USH2A: variants seen among roughly 807,000 people sequenced by gnomAD.
The protein encoded by USH2A is Usher syndrome 2A (autosomal recessive, mild).
USH2A carries 443 observed loss-of-function variants against 538.9 expected under a neutral mutation model. The observed-to-expected ratio is 0.82, with a 90% confidence interval of 0.76 to 0.89. The LOEUF (loss-of-function observed/expected upper bound fraction) is 0.89, where lower values mean the gene tolerates loss of function less well. Ranked by LOEUF, USH2A falls within the 40% of genes least tolerant of loss-of-function variation. The pLI is 0.00. For synonymous variants in USH2A, 2,413 were observed against 2,273.5 expected (o/e 1.06, Z -1.75); for missense variants, 6,633 against 6,324.8 (o/e 1.05, Z -1.65).
In USH2A at chr1:216,327,585, G is replaced by A. The variant is rs760329471; in HGVS notation, c.848+6C>T. ...TCTTGAGGTTTACAATGCAACATCT[G>A]CTTACCTGTTTGTAAGTGCCACTTG... is the stretch of plus-strand genomic sequence containing the variant. On this transcript the variant is annotated splice_donor_region_variant and intron_variant, in intron 5 of 71. Transcript: ENST00000307340. The A allele has an allele frequency of 1.9e-6, 3 of 1,612,962 alleles. No individual in the cohort carries two copies. The South Asian group carries it at 3.3e-5, about 18-fold the overall frequency.
chr1:216,231,248 ATTATAT>A (rs1228532184), intron 14 of USH2A, among the ~76,000 whole-genome samples: 1 of 54,562 alleles, frequency 1.8e-5, no homozygotes, highest in Non-Finnish European at 3.5e-5. Context: ...ATATATATAT[ATTATAT>A]ATATAATATA....
chr1:215,771,678 A>T (rs949284739), intron 55 of USH2A, among the ~76,000 whole-genome samples: 7 of 146,760 alleles, frequency 4.8e-5, no homozygotes, highest in African/African-American at 1.5e-4. Flanking sequence ...ATTATGAGTC[A>T]TGTAGTGAGA....
Position 215,628,918 on chromosome 1 carries a change from C to G in USH2A, c.15415G>C (p.Gly5139Arg). Residue 5139 changes from glycine (G) to arginine (R), a missense_variant, in exon 71 of 72, where the codon GGT becomes CGT. Physicochemically the swap from Gly to Arg is moderately radical, Grantham distance 125. Coordinates refer to ENST00000307340, the MANE Select transcript of USH2A (RefSeq NM_206933.4). ...QNQTSLTYSQ[G>R]SLHRSVSQLM... ...TGGCTGACGCTGCGGTGAAGAGAAC[C>G]CTGGGAGTAGGTTAGGCTGGTTTGG... 6.2e-7 allele frequency: 1 copy of G among 1,614,044 alleles called. No homozygotes were observed. The highest frequency in any genetic ancestry group is 8.5e-7 in the Non-Finnish European group (1 of 1,180,016).
At chr1:215,984,680 A>G (rs575017794) in intron 35 of USH2A, among the ~76,000 whole-genome samples, 1 of 152,378 alleles carries the variant, frequency 6.6e-6, no homozygotes, top group South Asian at 2.1e-4. Context: ...AATACAAGGT[A>G]TCTCTATTTA....
At chr1:216,047,348 G>C (rs2030565663) in intron 31 of USH2A, among the ~76,000 whole-genome samples, 1 of 152,036 alleles carries the variant, frequency 6.6e-6, no homozygotes, top group Admixed American at 6.6e-5. Flanking sequence ...TGCAACATAG[G>C]GCCATTTGTC....
intron 20 of USH2A, among the ~76,000 whole-genome samples, chr1:216,178,441 C>A (rs2034433210): frequency 6.6e-6 from 1 of 152,126 alleles, no homozygotes; most frequent in Non-Finnish European, 1.5e-5. Context: ...CACCCAGAGT[C>A]TCTCTTCAGA....
intron 60 of USH2A, among the ~76,000 whole-genome samples, chr1:215,738,227 T>G (rs1321589935): frequency 1.3e-5 from 2 of 152,080 alleles, no homozygotes; most frequent in African/African-American, 4.8e-5. Flanking sequence ...TGAAGAATCA[T>G]TATCATACCA....
chr1:215,778,024 C>T (rs1161180017), intron 55 of USH2A, among the ~76,000 whole-genome samples: 3 of 150,680 alleles, frequency 2.0e-5, no homozygotes, highest in Non-Finnish European at 3.0e-5. Flanking sequence ...TTTGATCATT[C>T]AAATATGAGG....
intron 34 of USH2A, among the ~76,000 whole-genome samples, chr1:215,994,193 A>G (rs1163871570): frequency 6.6e-6 from 1 of 152,176 alleles, no homozygotes; most frequent in African/African-American, 2.4e-5. Flanking sequence ...AAATCATAAG[A>G]CAATGTAAAA....
rs2034849068 is a variant in USH2A, at chr1:216,196,580, T to C, written c.4224A>G (p.Gln1408=). The C allele has an allele frequency of 1.2e-6, 2 of 1,613,554 alleles. No individual in the cohort carries two copies. Among genetic ancestry groups the C allele is most frequent in the Non-Finnish European group, 1.7e-6 (2 of 1,179,630 alleles). Residue 1408 remains glutamine (Q), a synonymous_variant, in exon 19 of 72, where the codon CAA becomes CAG. Coordinates refer to ENST00000307340, the MANE Select transcript of USH2A (RefSeq NM_206933.4). The stretch of plus-strand genomic sequence containing the variant: ...GTGAAAACGCCATGGGAATAGACTG[T>C]TGAGGTGATTGTTCAGAAAGCATAT... ...DINMLSEQSP[Q]QSIPMAFSQL...
At chr1:215,680,096 T>C (rs1016068036) in intron 62 of USH2A, 53 bp downstream of exon 62, 20 of 1,572,326 alleles carry the variant, frequency 1.3e-5, no homozygotes, top group Middle Eastern at 3.3e-4. Context: ...TCAGGGCTCA[T>C]CTATTTATCT....
chr1:215,670,885 C>A (rs1231653157), intron 64 of USH2A, 87 bp downstream of exon 64: 4 of 1,353,318 alleles, frequency 3.0e-6, no homozygotes, highest in South Asian at 2.5e-5. Flanking sequence ...TCTTTAAGTG[C>A]CTTTTCAAAT....
At chr1:215,664,721 T>C (rs1415822758) in intron 64 of USH2A, among the ~76,000 whole-genome samples, 1 of 151,776 alleles carries the variant, frequency 6.6e-6, no homozygotes, top group Non-Finnish European at 1.5e-5. Flanking sequence ...CTTTGGGAGG[T>C]TATTAGGTTG....
At chr1:215,694,630 C>T (rs929392842) in intron 61 of USH2A, among the ~76,000 whole-genome samples, 1 of 152,162 alleles carries the variant, frequency 6.6e-6, no homozygotes. Flanking sequence ...ATAAGCATGG[C>T]TACTCAAGAG....
intron 62 of USH2A, among the ~76,000 whole-genome samples, chr1:215,676,063 T>C (rs181992705): frequency 6.6e-5 from 10 of 152,304 alleles, no homozygotes; most frequent in African/African-American, 2.4e-4. Context: ...TTACAACGCT[T>C]AATCATTTGT....
At chr1:216,256,727 G>A (rs1285340201) in intron 11 of USH2A, among the ~76,000 whole-genome samples, 1 of 151,828 alleles carries the variant, frequency 6.6e-6, no homozygotes, top group Non-Finnish European at 1.5e-5. Flanking sequence ...TCTTATGATT[G>A]TCCTAAAGAT....
intron 30 of USH2A, among the ~76,000 whole-genome samples, chr1:216,053,653 C>T (rs1361507588): frequency 6.6e-6 from 1 of 152,070 alleles, no homozygotes; most frequent in Middle Eastern, 3.2e-3. Context: ...TTATTGATGT[C>T]TTAAAAGTGT....
At chr1:216,202,973 C>T (rs2035031990) in intron 16 of USH2A, among the ~76,000 whole-genome samples, 2 of 152,066 alleles carry the variant, frequency 1.3e-5, no homozygotes, top group African/African-American at 4.8e-5. Context: ...TTATATGTCT[C>T]CCCACTCAGT....
Position 215,628,981 on chromosome 1 carries a change from T to G in USH2A, c.15352A>C (p.Asn5118His). ...ATGCGCAGGACACATGCACTCCGGT[T>G]GCTGCGGATACTCACAGGTGTCCCA... ...RSGTPVSIRS[N>H]RSACVLRIPS... is the part of the protein sequence containing the mutation. Residue 5118 changes from asparagine (N) to histidine (H), a missense_variant, in exon 71 of 72, where the codon AAC becomes CAC. By Grantham distance (68) the Asn-to-His change is moderately conservative. Coordinates refer to ENST00000307340, the MANE Select transcript of USH2A (RefSeq NM_206933.4). 1 of 1,613,960 alleles carries G rather than the reference T, an allele frequency of 6.2e-7. No individual in the cohort carries two copies. The highest frequency in any genetic ancestry group is 8.5e-7 in the Non-Finnish European group (1 of 1,180,044).
Sources: gnomAD v4.1 joint callset for allele counts (sites outside exome capture counted in the v4.1 genomes callset) on GRCh38, gnomAD v4.1.1 for gene constraint, MANE v1.5 for transcripts, NCBI Gene and HGNC (gene_info 2026-07-23, HGNC 2026-07-21) for gene names.